Variants in INTS15 observed in about 807,000 individuals in gnomAD.
INTS15 encodes integrator complex subunit 15, also known as uncharacterized protein C7orf26.
the INTS15 span, chr7:6,600,001 C>T: frequency 3.3e-4 from 533 of 1,614,184 alleles, 2 homozygotes; most frequent in African/African-American, 6.6e-3. Flanking sequence ...TGAAGGCACC[C>T]CTGGCTTATA....
At chr7:6,598,761 G>A in the INTS15 span, among the ~76,000 whole-genome samples, 50 of 107,144 alleles carry the variant, frequency 4.7e-4, no homozygotes, top group African/African-American at 2.0e-3. Flanking sequence ...GTGTGTGTGT[G>A]TGTGTGTGTG....
At chr7:6,599,348 G>A in the INTS15 span, among the ~76,000 whole-genome samples, 7 of 151,902 alleles carry the variant, frequency 4.6e-5, no homozygotes, top group Non-Finnish European at 8.8e-5. Context: ...GGGTTGGGAC[G>A]GCCCTTGGCA....
chr7:6,608,110 C>T, the INTS15 span: 1 of 1,567,914 alleles, frequency 6.4e-7, no homozygotes, highest in Non-Finnish European at 8.6e-7. Context: ...CCACGCATCC[C>T]GGCCACACCT....
chr7:6,595,156 C>T, the INTS15 span, among the ~76,000 whole-genome samples: 52 of 152,246 alleles, frequency 3.4e-4, 1 homozygote, highest in South Asian at 0.011. Context: ...CTCAGCCTCT[C>T]GAGTAGTTGT....
the INTS15 span, among the ~76,000 whole-genome samples, chr7:6,594,180 G>A: frequency 3.3e-5 from 5 of 150,442 alleles, no homozygotes; most frequent in South Asian, 4.2e-4. Flanking sequence ...AGTTAATTTT[G>A]TATTTTTAGT....
chr7:6,594,395 C>G, the INTS15 span: 5 of 1,609,550 alleles, frequency 3.1e-6, no homozygotes, highest in South Asian at 4.4e-5. Flanking sequence ...TACTCACTCA[C>G]GACATCTGTA....
At chr7:6,608,072 G>GCCCCCCCCCCCCCCCCCC in the INTS15 span, 20 of 1,580,438 alleles carry the variant, frequency 1.3e-5, no homozygotes, top group East Asian at 2.3e-5. Context: ...GGCTGTCCCG[G>GCCCCCCCCCCCCCCCCCC]CCCACCCCGC....
the INTS15 span, chr7:6,602,159 C>A: frequency 6.2e-7 from 1 of 1,606,806 alleles, no homozygotes; most frequent in Non-Finnish European, 8.5e-7. Context: ...CCTCAGGACT[C>A]CTAGCTGGGC....
At chr7:6,590,678 T>A in the INTS15 span, among the ~76,000 whole-genome samples, 1 of 152,176 alleles carries the variant, frequency 6.6e-6, no homozygotes, top group Non-Finnish European at 1.5e-5. Flanking sequence ...CTGCGGGGCG[T>A]GTGACAGCCG....
At chr7:6,606,266 T>C in the INTS15 span, among the ~76,000 whole-genome samples, 1 of 152,188 alleles carries the variant, frequency 6.6e-6, no homozygotes, top group African/African-American at 2.4e-5. Context: ...GCCCTCCACA[T>C]ACCCTCTGTT....
At chr7:6,600,154 G>GCTGCAC in the INTS15 span, 1 of 1,614,146 alleles carries the variant, frequency 6.2e-7, no homozygotes, top group East Asian at 2.2e-5. Context: ...TGACGCTGCA[G>GCTGCAC]CTGCACCTGA....
the INTS15 span, among the ~76,000 whole-genome samples, chr7:6,594,776 A>C: frequency 6.6e-6 from 1 of 152,072 alleles, no homozygotes; most frequent in African/African-American, 2.4e-5. Flanking sequence ...GCTGGAGTGC[A>C]GTGGTGTTAT....
At chr7:6,600,955 T>A in the INTS15 span, among the ~76,000 whole-genome samples, 1 of 151,930 alleles carries the variant, frequency 6.6e-6, no homozygotes, top group Admixed American at 6.6e-5. Flanking sequence ...TGTCCTTTTT[T>A]ATTTTTATTT....
the INTS15 span, chr7:6,599,711 G>A: frequency 1.0e-6 from 1 of 976,504 alleles, no homozygotes; most frequent in Non-Finnish European, 1.5e-6. Flanking sequence ...CAGGAGGCGT[G>A]ATCCAGACCA....
the INTS15 span, chr7:6,594,362 C>T: frequency 6.7e-7 from 1 of 1,489,522 alleles, no homozygotes; most frequent in Non-Finnish European, 9.3e-7. Context: ...GAGGTGGTCA[C>T]TGTGTGTGCA....
the INTS15 span, among the ~76,000 whole-genome samples, chr7:6,605,492 C>T: frequency 6.6e-6 from 1 of 152,142 alleles, no homozygotes; most frequent in Non-Finnish European, 1.5e-5. Context: ...TCATCCGAGT[C>T]TTATAACCAG....
the INTS15 span, chr7:6,607,881 G>C: frequency 9.6e-6 from 15 of 1,568,854 alleles, no homozygotes; most frequent in Non-Finnish European, 1.2e-5. The surrounding 1 kb of genome is among the most constrained non-coding windows in gnomAD (Gnocchi z 6.0). Flanking sequence ...GGGGTGCGGG[G>C]GGACGGGGTC....
chr7:6,594,256 T>G, the INTS15 span, among the ~76,000 whole-genome samples: 1 of 152,174 alleles, frequency 6.6e-6, no homozygotes, highest in South Asian at 2.1e-4. Context: ...ATCACCCGCC[T>G]CGGCCTCTCA....
the INTS15 span, among the ~76,000 whole-genome samples, chr7:6,601,337 C>G: frequency 6.6e-6 from 1 of 151,950 alleles, no homozygotes; most frequent in South Asian, 2.1e-4. Context: ...GCTTCTTTGC[C>G]CAGGCTGGAG....
Sources: gnomAD v4.1 joint callset for allele counts (sites outside exome capture counted in the v4.1 genomes callset) on GRCh38, gnomAD v4.1.1 for gene constraint, Gnocchi (gnomAD v3.1) non-coding constraint, MANE v1.5 for transcripts, NCBI Gene and HGNC (gene_info 2026-07-23, HGNC 2026-07-21) for gene names.